Variants in AKR1C3 observed in about 807,000 individuals in gnomAD.
AKR1C3 encodes the protein 3-alpha hydroxysteroid dehydrogenase, type II.
A neutral mutation model predicts 43.6 loss-of-function variants in AKR1C3; 48 were observed. The ratio of observed to expected loss-of-function variants is 1.10; its 90% CI spans 0.87 to 1.40. The LOEUF (loss-of-function observed/expected upper bound fraction) is 1.40. Ranked by LOEUF, AKR1C3 falls within the 40% of genes most tolerant of loss-of-function variation. The pLI is 0.00. For synonymous variants in AKR1C3, 162 were observed against 139.6 expected (o/e 1.16, Z -1.13); for missense variants, 482 against 391.2 (o/e 1.23, Z -1.96).
At chr10:5,071,257 G>A (rs1838608178) in intron 1 of AKR1C3, among the ~76,000 whole-genome samples, 1 of 152,188 alleles carries the variant, frequency 6.6e-6, no homozygotes, top group African/African-American at 2.4e-5. Context: ...CTGCTGTGGT[G>A]CTCCATGGTG....
intron 1 of AKR1C3, among the ~76,000 whole-genome samples, chr10:5,072,708 A>C (rs576676596): frequency 3.1e-4 from 47 of 152,348 alleles, no homozygotes; most frequent in African/African-American, 1.1e-3. Flanking sequence ...CTAGCACAGA[A>C]GGATACCCCA....
intron 1 of AKR1C3, among the ~76,000 whole-genome samples, chr10:5,064,578 A>G (rs1838456189): frequency 6.6e-6 from 1 of 152,176 alleles, no homozygotes; most frequent in Non-Finnish European, 1.5e-5. Flanking sequence ...GACACTAGCA[A>G]CAGAATAAAC....
upstream of AKR1C3, among the ~76,000 whole-genome samples, chr10:5,091,811 G>A (rs1162325507): frequency 1.3e-5 from 2 of 152,016 alleles, no homozygotes; most frequent in Admixed American, 6.6e-5. Flanking sequence ...TATTTTAAAC[G>A]TTGAAGAAGT....
chr10:5,106,309 T>G (rs1434127432), intron 8 of AKR1C3, among the ~76,000 whole-genome samples: 1 of 152,126 alleles, frequency 6.6e-6, no homozygotes, highest in Non-Finnish European at 1.5e-5. Context: ...GCAGAGAATT[T>G]AAAAAAATTT....
chr10:5,074,585 G>T (rs958070033), intron 1 of AKR1C3, among the ~76,000 whole-genome samples: 1 of 152,142 alleles, frequency 6.6e-6, no homozygotes, highest in East Asian at 1.9e-4. Context: ...TATCTGTGAG[G>T]TTTCATTGAC....
chr10:5,093,760 T>TA (rs1839145185), upstream of AKR1C3: 1 of 152,114 alleles, frequency 6.6e-6, no homozygotes, highest in African/African-American at 2.4e-5. Context: ...AACACTCCAA[T>TA]AAAAACTACA....
intron 1 of AKR1C3, among the ~76,000 whole-genome samples, chr10:5,058,996 A>G (rs1226971391): frequency 6.6e-6 from 1 of 152,194 alleles, no homozygotes. Context: ...GACGGAGGTA[A>G]GGGATCTCCA....
chr10:5,098,941 G>A, intron 4 of AKR1C3, 62 bp downstream of exon 4: 2 of 1,379,122 alleles, frequency 1.5e-6, no homozygotes, highest in Non-Finnish European at 2.0e-6. Flanking sequence ...TGTTTCCCAG[G>A]TTCAATAGGA....
chr10:5,098,872 C>T lies in AKR1C3; in HGVS notation c.440C>T (p.Thr147Ile). The T allele has an allele frequency of 6.2e-7, 1 of 1,611,966 alleles. No individual in the cohort carries two copies. Among genetic ancestry groups the T allele is most frequent in the Non-Finnish European group, 8.5e-7 (1 of 1,179,058 alleles). ...TTTGACATAGTGGATCTCTGTACCACCTGGGAGGTGAGTGCTTGGCGGAGA... is the reference window on the plus strand; with the variant it reads ...TTTGACATAGTGGATCTCTGTACCATCTGGGAGGTGAGTGCTTGGCGGAGA... The part of the protein sequence containing the change: ...VIFDIVDLCT[T>I]WEAMEKCKDA... Residue 147 changes from threonine to isoleucine, a missense_variant, in exon 4 of 9, where the codon ACC (threonine) becomes ATC (isoleucine). Transcript: ENST00000380554.
At chr10:5,078,306 G>T (rs1480716866) in intron 1 of AKR1C3, among the ~76,000 whole-genome samples, 2 of 152,280 alleles carry the variant, frequency 1.3e-5, no homozygotes, top group Admixed American at 1.3e-4. Flanking sequence ...AGCCAGGTAT[G>T]GTGGCATGTG....
intron 7 of AKR1C3, among the ~76,000 whole-genome samples, chr10:5,105,105 C>T (rs1407832449): frequency 2.6e-5 from 4 of 152,168 alleles, no homozygotes; most frequent in Non-Finnish European, 5.9e-5. Flanking sequence ...TTCCTTTAGA[C>T]ATGAAATTGT....
At chr10:5,096,372 C>A in intron 1 of AKR1C3, 38 bp from the exon 2 acceptor site, 1 of 1,598,260 alleles carries the variant, frequency 6.3e-7, no homozygotes, top group South Asian at 1.1e-5. Flanking sequence ...CTCTCAGCCA[C>A]AGTGATCACC....
intron 3 of AKR1C3, chr10:5,098,280 A>G: frequency 1.3e-6 from 1 of 781,958 alleles, no homozygotes; most frequent in East Asian, 1.3e-4. Context: ...TTGTTGACCC[A>G]AACTTTTTCA....
At chr10:5,086,943 A>G (rs1838979356) in intron 1 of AKR1C3, among the ~76,000 whole-genome samples, 1 of 147,360 alleles carries the variant, frequency 6.8e-6, no homozygotes, top group Non-Finnish European at 1.5e-5. Context: ...ATCTTCCTCC[A>G]TCCCTTTATT....
intron 1 of AKR1C3, among the ~76,000 whole-genome samples, chr10:5,054,933 A>T (rs1292060465): frequency 6.6e-6 from 1 of 152,250 alleles, no homozygotes; most frequent in Non-Finnish European, 1.5e-5. Flanking sequence ...TGCATGCAAT[A>T]ACTCTATAAT....
intron 5 of AKR1C3, 57 bp downstream of exon 5, chr10:5,099,506 A>C (rs1008743170): frequency 1.2e-6 from 2 of 1,609,552 alleles, no homozygotes; most frequent in Non-Finnish European, 1.7e-6. Flanking sequence ...TTCCTGTCCT[A>C]TTGCCAAATA....
At chr10:5,101,337 T>G (rs1440738373) in intron 5 of AKR1C3, among the ~76,000 whole-genome samples, 2 of 152,186 alleles carry the variant, frequency 1.3e-5, no homozygotes, top group Non-Finnish European at 2.9e-5. Flanking sequence ...TTGTATTTAT[T>G]ATTTTTTGGA....
At chr10:5,077,765 C>A in intron 1 of AKR1C3, 1 of 1,033,782 alleles carries the variant, frequency 9.7e-7, no homozygotes, top group Non-Finnish European at 1.2e-6. Flanking sequence ...TGCCAGTGCC[C>A]ATTTAGTTTT....
intron 5 of AKR1C3, among the ~76,000 whole-genome samples, chr10:5,101,574 C>T (rs1461276415): frequency 2.0e-5 from 3 of 152,162 alleles, no homozygotes; most frequent in Non-Finnish European, 4.4e-5. Context: ...TTATCTCACT[C>T]ATTACTCTGG....
Sources: allele counts gnomAD v4.1 joint callset (sites outside exome capture counted in the v4.1 genomes callset), GRCh38; gene constraint gnomAD v4.1.1; transcripts MANE v1.5; gene names NCBI Gene and HGNC (gene_info 2026-07-23, HGNC 2026-07-21).